Variants in ATXN10 observed in about 807,000 individuals in gnomAD.
The protein encoded by ATXN10 is ataxin 10.
Under a neutral mutation model 52.9 loss-of-function variants are expected in ATXN10, and 28 were observed. That is an observed-to-expected ratio of 0.53 (90% CI 0.39 to 0.73). The LOEUF is 0.73. ATXN10 is among the 30% of genes least tolerant of loss of function. The pLI is 0.00. For missense variants in ATXN10, 565 were observed against 577.0 expected (o/e 0.98, Z 0.21); for synonymous variants, 226 against 221.5 (o/e 1.02, Z -0.18).
intron 7 of ATXN10, among the ~76,000 whole-genome samples, chr22:45,735,371 A>G (rs1001431760): frequency 9.9e-5 from 15 of 151,698 alleles, no homozygotes; most frequent in Non-Finnish European, 2.1e-4. Context: ...GTAGCTTGCT[A>G]TATTCTCCAA....
intron 7 of ATXN10, among the ~76,000 whole-genome samples, chr22:45,737,818 C>T (rs536013738): frequency 6.6e-6 from 1 of 151,524 alleles, no homozygotes; most frequent in South Asian, 2.1e-4. Flanking sequence ...ACTGCCTCAG[C>T]CTCCCTAGTA....
rs1476439450 is a variant in ATXN10 at position 45,805,373 on chromosome 22, T to G, written c.1174-1586T>G. On this transcript the variant is annotated intron_variant, in intron 9 of 11. Transcript: ENST00000252934. This position sits in a 1 kb window ranked among gnomAD's most constrained non-coding sequence, Gnocchi z 4.4. ...GTATATACCCAAGAACAATGAATACTTATATCCACTCAAAAACATGTACAT... is the reference window on the plus strand; with the variant it reads ...GTATATACCCAAGAACAATGAATACGTATATCCACTCAAAAACATGTACAT... Among the ~76,000 whole-genome samples, 7 of 152,228 alleles carry G rather than the reference T, an allele frequency of 4.6e-5. No homozygotes were observed. Among genetic ancestry groups the G allele is most frequent in the Non-Finnish European group, 1.0e-4 (7 of 68,044 alleles).
intron 9 of ATXN10, among the ~76,000 whole-genome samples, chr22:45,777,543 C>A (rs545812815): frequency 6.6e-6 from 1 of 152,308 alleles, no homozygotes; most frequent in East Asian, 1.9e-4. Flanking sequence ...TTCAGCCTCA[C>A]GTTTAACCAG....
intron 6 of ATXN10, among the ~76,000 whole-genome samples, chr22:45,724,832 T>G (rs1011075869): frequency 6.6e-6 from 1 of 152,180 alleles, no homozygotes; most frequent in Admixed American, 6.6e-5. Flanking sequence ...AAGTTGATTT[T>G]TGTGTATGGT....
intron 9 of ATXN10, among the ~76,000 whole-genome samples, chr22:45,799,421 G>A (rs1448418823): frequency 6.6e-6 from 1 of 152,106 alleles, no homozygotes; most frequent in Non-Finnish European, 1.5e-5. Context: ...TACTTAAGAC[G>A]AGATCATACT....
intron 7 of ATXN10, among the ~76,000 whole-genome samples, chr22:45,731,859 AT>A (rs1925101715): frequency 6.6e-6 from 1 of 152,190 alleles, no homozygotes; most frequent in South Asian, 2.1e-4. Context: ...ATTTTCTGTG[AT>A]AGGAAAGAAA....
At chr22:45,723,987 C>A (rs984839027) in intron 6 of ATXN10, among the ~76,000 whole-genome samples, 10 of 151,802 alleles carry the variant, frequency 6.6e-5, no homozygotes, top group Admixed American at 4.6e-4. Context: ...CAGCTCCATC[C>A]AAGTTGCTGC....
intron 5 of ATXN10, among the ~76,000 whole-genome samples, chr22:45,711,721 G>A (rs1213087270): frequency 6.6e-6 from 1 of 151,968 alleles, no homozygotes; most frequent in Non-Finnish European, 1.5e-5. Context: ...ACCCAAACTC[G>A]GTAAAGCACC....
chr22:45,729,801 G>A, intron 7 of ATXN10: 1 of 622,366 alleles, frequency 1.6e-6, no homozygotes, highest in Non-Finnish European at 2.9e-6. Flanking sequence ...GCAAATTCTG[G>A]TTAATTTTCT....
chr22:45,809,438 T>G (rs900837432), intron 10 of ATXN10, among the ~76,000 whole-genome samples: 6 of 152,250 alleles, frequency 3.9e-5, no homozygotes, highest in Non-Finnish European at 8.8e-5. Flanking sequence ...TTTTTACACT[T>G]TTTAATTCAC....
chr22:45,804,628 G>T (rs910010205), intron 9 of ATXN10, among the ~76,000 whole-genome samples: 3 of 151,998 alleles, frequency 2.0e-5, no homozygotes, highest in Non-Finnish European at 4.4e-5. Context: ...ATCTCACTAG[G>T]GATGTAAAGT....
chr22:45,725,877 T>A (rs1362319211), intron 6 of ATXN10, among the ~76,000 whole-genome samples: 1 of 152,162 alleles, frequency 6.6e-6, no homozygotes, highest in Non-Finnish European at 1.5e-5. Flanking sequence ...GGATGCTGGA[T>A]TTTGTTGAAC....
At chr22:45,746,755 T>C (rs141713396) in intron 9 of ATXN10, among the ~76,000 whole-genome samples, 16 of 152,270 alleles carry the variant, frequency 1.1e-4, no homozygotes, top group Middle Eastern at 3.4e-3. Flanking sequence ...CTTTCTCTTC[T>C]ACGCTCCTCA....
intron 1 of ATXN10, among the ~76,000 whole-genome samples, chr22:45,689,081 C>A (rs913473407): frequency 2.6e-5 from 4 of 152,184 alleles, no homozygotes; most frequent in Non-Finnish European, 5.9e-5. Context: ...CATTCTCCCC[C>A]TCTCCTTTCT....
At chr22:45,720,641 A>C (rs921249523) in intron 6 of ATXN10, among the ~76,000 whole-genome samples, 4 of 152,194 alleles carry the variant, frequency 2.6e-5, no homozygotes, top group Admixed American at 6.5e-5. Flanking sequence ...ATGAGGTACC[A>C]CTTGATACCC....
intron 9 of ATXN10, among the ~76,000 whole-genome samples, chr22:45,755,877 A>G (rs531879109): frequency 2.0e-5 from 3 of 152,282 alleles, no homozygotes; most frequent in African/African-American, 7.2e-5. Context: ...AAATCTGTGA[A>G]CTGAGCCACA....
intron 2 of ATXN10, among the ~76,000 whole-genome samples, chr22:45,691,111 G>C (rs753731969): frequency 2.6e-5 from 4 of 152,190 alleles, no homozygotes; most frequent in Non-Finnish European, 4.4e-5. Context: ...TCCATTTGAG[G>C]ATAAATGGAT....
chr22:45,787,748 C>T lies in ATXN10; in HGVS notation c.1174-19211C>T, dbSNP rs1927369297. Reference sequence around the variant, plus strand: ...CACAGTAGGACATTTGCATATTTCACAGCCCGCAGTTTGGAAATACATTTC... The same window carrying T: ...CACAGTAGGACATTTGCATATTTCATAGCCCGCAGTTTGGAAATACATTTC... On this transcript the variant is annotated intron_variant, in intron 9 of 11. Coordinates refer to ENST00000252934, the MANE Select transcript of ATXN10 (RefSeq NM_013236.4). This position sits in a 1 kb window ranked among gnomAD's most constrained non-coding sequence, Gnocchi z 4.2. Among the ~76,000 whole-genome samples the T allele has an allele frequency of 6.6e-6, 1 of 152,204 alleles. No individual in the cohort carries two copies. Among genetic ancestry groups the T allele is most frequent in the Non-Finnish European group, 1.5e-5 (1 of 68,040 alleles).
intron 10 of ATXN10, among the ~76,000 whole-genome samples, chr22:45,832,121 C>G (rs1340348665): frequency 6.6e-6 from 1 of 152,136 alleles, no homozygotes; most frequent in African/African-American, 2.4e-5. Context: ...CTCCCTTGTT[C>G]CACTCTCCAC....
Sources: allele counts gnomAD v4.1 joint callset (sites outside exome capture counted in the v4.1 genomes callset), GRCh38; gene constraint gnomAD v4.1.1; non-coding constraint Gnocchi (gnomAD v3.1); transcripts MANE v1.5; gene names NCBI Gene and HGNC (gene_info 2026-07-23, HGNC 2026-07-21).